The following HP1BP3 variants were observed in gnomAD, a reference collection of about 807,000 sequenced individuals.
The protein encoded by HP1BP3 is heterochromatin protein 1-binding protein 3.
A neutral mutation model predicts 62.5 loss-of-function variants in HP1BP3; 12 were observed. The observed-to-expected ratio is 0.19, with a 90% CI of 0.12 to 0.31. HP1BP3 has a LOEUF of 0.31. Among genes scored for constraint, HP1BP3 ranks in the 10% least tolerant of loss-of-function variants. The pLI is 1.00. For missense variants in HP1BP3, 502 were observed against 651.8 expected (o/e 0.77, Z 2.50); for synonymous variants, 260 against 237.8 (o/e 1.09, Z -0.86).
chr1:20,756,276 C>T (rs2056102361), intron 9 of HP1BP3, among the ~76,000 whole-genome samples: 1 of 152,048 alleles, frequency 6.6e-6, no homozygotes, highest in Non-Finnish European at 1.5e-5. Flanking sequence ...AATTGTATTT[C>T]TGTGTAAGGT....
At chr1:20,761,679 A>G (rs897935462) in intron 8 of HP1BP3, among the ~76,000 whole-genome samples, 8 of 152,218 alleles carry the variant, frequency 5.3e-5, no homozygotes, top group African/African-American at 1.9e-4. Context: ...GCTGGTATTT[A>G]CAGTTTTGCA....
intron 6 of HP1BP3, among the ~76,000 whole-genome samples, chr1:20,769,879 C>G (rs1338665648): frequency 6.6e-6 from 1 of 152,148 alleles, no homozygotes; most frequent in Non-Finnish European, 1.5e-5. Flanking sequence ...CTAAGCAGAG[C>G]TGAAATGCCT....
intron 8 of HP1BP3, among the ~76,000 whole-genome samples, chr1:20,764,799 C>T (rs1209525532): frequency 6.6e-6 from 1 of 151,544 alleles, no homozygotes; most frequent in Non-Finnish European, 1.5e-5. Flanking sequence ...CGCTTGAACC[C>T]GGGAGTTAGA....
At chr1:20,748,750 C>T (rs1231475687) in intron 10 of HP1BP3, among the ~76,000 whole-genome samples, 1 of 151,078 alleles carries the variant, frequency 6.6e-6, no homozygotes, top group African/African-American at 2.4e-5. Flanking sequence ...GGCAACACAG[C>T]GAGACTCCGT....
intron 1 of HP1BP3, among the ~76,000 whole-genome samples, 158 bp from the exon 2 acceptor site, chr1:20,780,698 T>C (rs937196943): frequency 2.6e-5 from 4 of 152,156 alleles, no homozygotes; most frequent in African/African-American, 9.7e-5. Context: ...ACTACCAAAA[T>C]ATAGACTACA....
intron 11 of HP1BP3, among the ~76,000 whole-genome samples, chr1:20,747,277 T>C (rs376040506): frequency 2.0e-5 from 3 of 152,264 alleles, no homozygotes; most frequent in East Asian, 1.9e-4. Context: ...CTTTTTTTTT[T>C]CAACCAGACA....
In HP1BP3 at chr1:20,744,873, G is replaced by A. The variant is rs749720784; in HGVS notation, c.1586C>T (p.Thr529Ile). 1 of 1,614,122 alleles carries A rather than the reference G, an allele frequency of 6.2e-7. No individual in the cohort carries two copies. The highest frequency in any genetic ancestry group is 8.5e-7 in the Non-Finnish European group (1 of 1,180,026). ...CAATTTTACTTCCTTTCTTGCACTG[G>A]TTGCAGGCTTCTTTGAGGAGCCACC... The part of the protein sequence containing the change: ...PSGGSSKKPA[T>I]SARKEVKLPG... Residue 529 changes from threonine to isoleucine, a missense_variant, in exon 13 of 13, where the codon ACC (threonine) becomes ATC (isoleucine). Coordinates refer to ENST00000438032, the MANE Select transcript of HP1BP3 (RefSeq NM_001372052.1).
At chr1:20,780,624 G>C in intron 1 of HP1BP3, 84 bp from the exon 2 acceptor site, 2 of 563,968 alleles carry the variant, frequency 3.5e-6, no homozygotes, top group Non-Finnish European at 6.4e-6. Context: ...CATCCAAAGG[G>C]AAAAAATATA....
chr1:20,745,508 T>C, intron 12 of HP1BP3, 35 bp downstream of exon 12: 1 of 1,607,368 alleles, frequency 6.2e-7, no homozygotes, highest in Non-Finnish European at 8.5e-7. Context: ...AGGTATTTAG[T>C]GTCCTCCCCA....
At chr1:20,757,520 C>T (rs1017761140) in intron 8 of HP1BP3, among the ~76,000 whole-genome samples, 2 of 151,856 alleles carry the variant, frequency 1.3e-5, no homozygotes, top group South Asian at 4.2e-4. Context: ...AACAGGCATG[C>T]GCCACCACAC....
At chr1:20,754,482 T>TG (rs1308108906) in intron 9 of HP1BP3, among the ~76,000 whole-genome samples, 1 of 151,862 alleles carries the variant, frequency 6.6e-6, no homozygotes, top group African/African-American at 2.4e-5. Context: ...TTTTTTTTTT[T>TG]GGCAGAAATG....
At chr1:20,763,422 G>A (rs2056597635) in intron 8 of HP1BP3, among the ~76,000 whole-genome samples, 1 of 152,098 alleles carries the variant, frequency 6.6e-6, no homozygotes, top group African/African-American at 2.4e-5. Flanking sequence ...TATTTCACTA[G>A]CTCTTTAATT....
chr1:20,745,233 A>G (rs573098343), intron 12 of HP1BP3, 142 bp from the exon 13 acceptor site: 9 of 946,506 alleles, frequency 9.5e-6, no homozygotes, highest in Admixed American at 9.4e-5. Flanking sequence ...TTTTTACTAG[A>G]GATTTTACTA....
At chr1:20,756,000 G>A (rs1329998021) in intron 9 of HP1BP3, among the ~76,000 whole-genome samples, 1 of 152,220 alleles carries the variant, frequency 6.6e-6, no homozygotes, top group African/African-American at 2.4e-5. Context: ...TGGTGGAATA[G>A]GGAGTGACTG....
chr1:20,748,602 AC>A (rs1427960368), intron 10 of HP1BP3, among the ~76,000 whole-genome samples: 5 of 152,098 alleles, frequency 3.3e-5, no homozygotes, highest in African/African-American at 1.2e-4. Flanking sequence ...TAATACAAAA[AC>A]AAAAAAATTA....
chr1:20,745,114 G>A (rs1180003293), intron 12 of HP1BP3, 23 bp from the exon 13 acceptor site: 2 of 1,585,880 alleles, frequency 1.3e-6, no homozygotes, highest in Middle Eastern at 2.2e-4. Context: ...AAGAGCAAAG[G>A]CCGTCATTTA....
intron 9 of HP1BP3, among the ~76,000 whole-genome samples, chr1:20,752,116 C>T (rs1233405617): frequency 7.2e-5 from 11 of 151,742 alleles, no homozygotes; most frequent in African/African-American, 2.2e-4. Flanking sequence ...AAAAATTAGC[C>T]GGGCATGGTG....
At chr1:20,749,674 A>C (rs548174177) in intron 10 of HP1BP3, 49 bp downstream of exon 10, 13 of 1,551,962 alleles carry the variant, frequency 8.4e-6, no homozygotes, top group Non-Finnish European at 1.0e-5. Context: ...CGGTTTTTTC[A>C]AAAGAAAATT....
chr1:20,754,366 C>T (rs2055965599), intron 9 of HP1BP3, among the ~76,000 whole-genome samples: 1 of 152,038 alleles, frequency 6.6e-6, no homozygotes, highest in Non-Finnish European at 1.5e-5. Context: ...ATAAAGAGAC[C>T]TCTGTGTCAT....
Sources: gnomAD v4.1 joint callset for allele counts (sites outside exome capture counted in the v4.1 genomes callset) on GRCh38, gnomAD v4.1.1 for gene constraint, MANE v1.5 for transcripts, NCBI Gene and HGNC (gene_info 2026-07-23, HGNC 2026-07-21) for gene names.